Variants in PAM observed in about 807,000 individuals in gnomAD.
PAM encodes peptidyl-glycine alpha-amidating monooxygenase.
Under a neutral mutation model 122.1 loss-of-function variants are expected in PAM, and 72 were observed. The observed-to-expected ratio is 0.59, with a 90% CI of 0.49 to 0.72. PAM has a LOEUF of 0.72. PAM is among the 30% of genes least tolerant of loss of function. PAM has a pLI of 0.00. For synonymous variants in PAM, 389 were observed against 404.4 expected (o/e 0.96, Z 0.46); for missense variants, 1,106 against 1,183.7 (o/e 0.93, Z 0.96).
intron 11 of PAM, among the ~76,000 whole-genome samples, chr5:102,950,416 G>GGT (rs1554134180): frequency 0.037 from 5,377 of 146,024 alleles, 259 homozygotes; most frequent in African/African-American, 0.12. Flanking sequence ...TATGTGGGTG[G>GGT]GTGTGTGTGT....
chr5:102,844,490 G>C lies in PAM; in HGVS notation c.-373-21333G>C, dbSNP rs574414681. On this transcript the variant is annotated intron_variant, in intron 1 of 25. Transcript: ENST00000438793. ...GAGACCAGCCTGGGTAACATAGCGA[G>C]ACCCCCATCTCTACAAAAAATTAAA... is the stretch of plus-strand genomic sequence containing the variant. 2.6e-5 allele frequency among the ~76,000 whole-genome samples: 4 copies of C among 152,008 alleles called. No individual in the cohort carries two copies. In the East Asian group the frequency reaches 7.8e-4, roughly 29 times the overall value.
intron 3 of PAM, among the ~76,000 whole-genome samples, chr5:102,869,034 AC>A (rs1236346273): frequency 6.6e-6 from 1 of 152,176 alleles, no homozygotes; most frequent in Non-Finnish European, 1.5e-5. Flanking sequence ...ATCTGTATTC[AC>A]CTTGGCCTCA....
chr5:102,988,691 GAAA>G (rs1562151785), intron 15 of PAM, among the ~76,000 whole-genome samples: 1 of 109,726 alleles, frequency 9.1e-6, no homozygotes, highest in African/African-American at 2.9e-5. Context: ...AAGAAAGAAG[GAAA>G]GAAAGAGAAA....
intron 1 of PAM, among the ~76,000 whole-genome samples, chr5:102,775,282 A>G (rs554514727): frequency 6.6e-6 from 1 of 152,184 alleles, no homozygotes; most frequent in South Asian, 2.1e-4. Context: ...GTGTAATATG[A>G]AGAATTTTGT....
intron 1 of PAM, among the ~76,000 whole-genome samples, chr5:102,755,945 A>C (rs1434428435): frequency 6.6e-6 from 1 of 152,010 alleles, no homozygotes; most frequent in Non-Finnish European, 1.5e-5. Context: ...TCCGAATGTA[A>C]TACGCGGGCG....
intron 1 of PAM, among the ~76,000 whole-genome samples, chr5:102,806,450 G>T (rs1023378045): frequency 5.9e-5 from 9 of 152,188 alleles, no homozygotes; most frequent in Non-Finnish European, 8.8e-5. Flanking sequence ...AACCTAGTCT[G>T]CAATTGACAC....
intron 1 of PAM, among the ~76,000 whole-genome samples, chr5:102,760,583 C>G (rs1313884987): frequency 6.6e-6 from 1 of 152,208 alleles, no homozygotes; most frequent in Non-Finnish European, 1.5e-5. Flanking sequence ...CCATACAAGG[C>G]TAGTGGATAC....
intron 14 of PAM, among the ~76,000 whole-genome samples, chr5:102,972,880 AT>A (rs1343200594): frequency 6.6e-6 from 1 of 152,202 alleles, no homozygotes; most frequent in East Asian, 1.9e-4. Context: ...ACTGGCAAGA[AT>A]TGAAAACCTA....
intron 3 of PAM, among the ~76,000 whole-genome samples, chr5:102,893,827 A>G (rs1010669231): frequency 2.0e-5 from 3 of 151,806 alleles, no homozygotes; most frequent in Non-Finnish European, 2.9e-5. Flanking sequence ...TCTGTGTAAT[A>G]TCAACATTGC....
chr5:102,950,573 A>G (rs1400433491), intron 11 of PAM, 144 bp from the exon 12 acceptor site: 1 of 586,856 alleles, frequency 1.7e-6, no homozygotes, highest in Non-Finnish European at 3.1e-6. Context: ...GATGCTGAAA[A>G]AGCATTTGAT....
At chr5:103,021,712 T>C (rs7733055) in intron 23 of PAM, among the ~76,000 whole-genome samples, 1,879 of 152,270 alleles carry the variant, frequency 0.012, 34 homozygotes, top group African/African-American at 0.044. Flanking sequence ...CATTAAACCT[T>C]TAAGATTATG....
At position 102,991,089 on chromosome 5, in the gene PAM, A is replaced by G. The variant is rs1773934178; in HGVS notation, c.1613+688A>G. On this transcript the variant is annotated intron_variant, in intron 16 of 25. Transcript: ENST00000438793. ...GAACGGTTATTGAGTGTTTCCTCTG[A>G]GTTACCATCATTATTCAGGTTTTAC... 2.6e-5 allele frequency among the ~76,000 whole-genome samples: 4 copies of G among 152,270 alleles called. No homozygotes were observed. The South Asian group carries it at 8.3e-4, about 32-fold the overall frequency.
At chr5:103,000,154 C>G (rs1388112022) in intron 16 of PAM, among the ~76,000 whole-genome samples, 1 of 152,182 alleles carries the variant, frequency 6.6e-6, no homozygotes, top group Non-Finnish European at 1.5e-5. Flanking sequence ...CAAGTTACAC[C>G]TTGAATGCTT....
intron 1 of PAM, among the ~76,000 whole-genome samples, chr5:102,817,318 ATG>A (rs1258578966): frequency 6.6e-6 from 1 of 152,128 alleles, no homozygotes; most frequent in East Asian, 1.9e-4. Flanking sequence ...CTATCTCAAT[ATG>A]GTAGCCACTT....
intron 1 of PAM, among the ~76,000 whole-genome samples, chr5:102,769,141 A>T (rs1201745677): frequency 6.6e-6 from 1 of 151,980 alleles, no homozygotes; most frequent in Non-Finnish European, 1.5e-5. Context: ...TGTCATTTGT[A>T]TGTCTTTTTT....
chr5:102,849,961 A>G (rs1181268965), intron 1 of PAM, among the ~76,000 whole-genome samples: 1 of 152,160 alleles, frequency 6.6e-6, no homozygotes, highest in African/African-American at 2.4e-5. Flanking sequence ...ATGTGTATAT[A>G]TTACTCTCAT....
chr5:102,800,045 T>C (rs1293458491), intron 1 of PAM, among the ~76,000 whole-genome samples: 1 of 152,242 alleles, frequency 6.6e-6, no homozygotes, highest in African/African-American at 2.4e-5. Context: ...ATTAATTACC[T>C]GGCTCCTTTA....
intron 14 of PAM, among the ~76,000 whole-genome samples, chr5:102,963,844 TA>T (rs1016396925): frequency 6.6e-6 from 1 of 150,794 alleles, no homozygotes; most frequent in African/African-American, 2.4e-5. Flanking sequence ...TACATATATA[TA>T]TTAAATAAAT....
chr5:102,835,251 A>G (rs768872969), intron 1 of PAM, among the ~76,000 whole-genome samples: 26 of 152,158 alleles, frequency 1.7e-4, no homozygotes, highest in Non-Finnish European at 3.1e-4. Flanking sequence ...AGAGTCATGT[A>G]GTGATCCCTT....
Sources: gnomAD v4.1 joint callset for allele counts (sites outside exome capture counted in the v4.1 genomes callset) on GRCh38, gnomAD v4.1.1 for gene constraint, MANE v1.5 for transcripts, NCBI Gene and HGNC (gene_info 2026-07-23, HGNC 2026-07-21) for gene names.